LAX1: variants seen among roughly 807,000 people sequenced by gnomAD.
LAX1 encodes the protein lymphocyte transmembrane adapter 1.
LAX1 carries 17 observed loss-of-function variants against 20.7 expected under a neutral mutation model. The ratio of observed to expected loss-of-function variants is 0.82; its 90% confidence interval spans 0.56 to 1.23. The LOEUF (loss-of-function observed/expected upper bound fraction) is 1.23. Among genes scored for constraint, LAX1 ranks in the 50% most tolerant of loss-of-function variants. The pLI is 0.00. For synonymous variants in LAX1, 165 were observed against 181.0 expected (o/e 0.91, Z 0.71); for missense variants, 470 against 487.0 (o/e 0.97, Z 0.33).
At chr1:203,771,209 C>A (rs1486569133) in intron 2 of LAX1, among the ~76,000 whole-genome samples, 158 bp from the exon 3 acceptor site, 1 of 152,178 alleles carries the variant, frequency 6.6e-6, no homozygotes, top group African/African-American at 2.4e-5. Flanking sequence ...GTTCCTCTCA[C>A]TCAAATGAAA....
intron 1 of LAX1, 121 bp downstream of exon 1, chr1:203,765,775 TA>T: frequency 1.1e-6 from 1 of 893,662 alleles, no homozygotes; most frequent in South Asian, 1.4e-5. Context: ...CTCGGTCTAC[TA>T]AACCACCAAA....
At position 203,775,615 on chromosome 1, in the gene LAX1, C is replaced by T. The variant is rs531748545; in HGVS notation, c.*934C>T. The T allele has an allele frequency of 2.6e-5, 4 of 152,272 alleles. No homozygotes were observed. Among genetic ancestry groups the T allele is most frequent in the South Asian group, 2.1e-4 (1 of 4,828 alleles). 9.4% of individuals were successfully genotyped at this position (152,272 alleles called of 1,614,324 possible). On this transcript the variant is annotated 3_prime_UTR_variant, in exon 5 of 5. Coordinates refer to ENST00000442561, the MANE Select transcript of LAX1 (RefSeq NM_017773.4). ...GAAAACTTATGTTCACACAAAAACT[C>T]GCACATGACTGTTTATAGCAGCTTC...
Position 203,771,364 on chromosome 1 carries a change from C to T in LAX1, c.200-3C>T. ...GACTCCCATCTCTCTCATTGCCTTGCAGGACAAGTTCCTTACCTCCGAGTT... is the reference window on the plus strand; with the variant it reads ...GACTCCCATCTCTCTCATTGCCTTGTAGGACAAGTTCCTTACCTCCGAGTT... On this transcript the variant is annotated splice_polypyrimidine_tract_variant and splice_region_variant and intron_variant, in intron 2 of 4. Transcript: ENST00000442561. 6.3e-7 allele frequency: 1 copy of T among 1,598,330 alleles called. No individual in the cohort carries two copies.
chr1:203,774,429 C>A lies in LAX1; in HGVS notation c.945C>A (p.Ser315=), dbSNP rs760871283. 1.2e-6 allele frequency: 2 copies of A among 1,614,070 alleles called. No homozygotes were observed. The highest frequency in any genetic ancestry group is 2.7e-5 in the African/African-American group (2 of 74,918). The change falls in exon 5 of 5, where the codon TCC becomes TCA. Residue 315 remains serine (S), a synonymous_variant. Transcript: ENST00000442561. ...AGCAGGCTGAGAAAGATGTGCCATCCTCAAACATAGGTCATGTCGAGGACA... is the reference window on the plus strand; with the variant it reads ...AGCAGGCTGAGAAAGATGTGCCATCATCAAACATAGGTCATGTCGAGGACA... ...SQQQAEKDVP[S]SNIGHVEDKT... is the part of the protein sequence containing the mutation.
Position 203,770,818 on chromosome 1 carries a change from G to T in LAX1, c.90-10G>T. On this transcript the variant is annotated splice_polypyrimidine_tract_variant and intron_variant, in intron 1 of 4. Transcript: ENST00000442561. ...TACAGCTAGCACATGTCATTCGATT[G>T]TTTTTCTAGAAATAAAGACCAGATC... The T allele has an allele frequency of 6.2e-7, 1 of 1,607,326 alleles. No homozygotes were observed. Among genetic ancestry groups the T allele is most frequent in the Non-Finnish European group, 8.5e-7 (1 of 1,173,802 alleles).
intron 1 of LAX1, among the ~76,000 whole-genome samples, chr1:203,768,337 A>G (rs1444488283): frequency 6.6e-6 from 1 of 152,204 alleles, no homozygotes; most frequent in Non-Finnish European, 1.5e-5. Context: ...TCAATCAGTC[A>G]TCAGTGCTAT....
rs1667441390 is a variant in LAX1 at position 203,772,676 on chromosome 1, T to C, written c.390+529T>C. Among the ~76,000 whole-genome samples the C allele has an allele frequency of 2.0e-5, 3 of 152,226 alleles. No homozygotes were observed. In the Middle Eastern group the frequency reaches 0.01, roughly 518 times the overall value. ...CTCTTGACCTTTTCATCCACCCGCC[T>C]TGGCCTCCCAAAGTGCTGAGATTAC... On this transcript the variant is annotated intron_variant, in intron 4 of 4. Coordinates refer to ENST00000442561, the MANE Select transcript of LAX1 (RefSeq NM_017773.4).
chr1:203,770,454 AAAGGAAGG>A lies in LAX1; in HGVS notation c.90-322_90-315del, dbSNP rs767611921. Among the ~76,000 whole-genome samples, 142 of 21,934 alleles carry A rather than the reference AAAGGAAGG, an allele frequency of 6.5e-3. 7 individuals carry two copies. Among genetic ancestry groups the A allele is most frequent in the African/African-American group, 0.015 (134 of 9,194 alleles). The allele number at this position is 21,934 out of a possible 152,430, so 14.4% of individuals were successfully genotyped here. On this transcript the variant is annotated intron_variant, in intron 1 of 4. Transcript: ENST00000442561. ...AAGAAAGAGAGAGAGAGAGAGAGAG[AAAGGAAGG>A]AAGGAAGGAAGGAAGGAAGGAAGGA... is the stretch of plus-strand genomic sequence containing the variant.
intron 3 of LAX1, 64 bp from the exon 4 acceptor site, chr1:203,772,004 G>T (rs1571807051): frequency 3.9e-6 from 5 of 1,275,092 alleles, no homozygotes; most frequent in Non-Finnish European, 3.4e-6. Context: ...ATGATGCAGG[G>T]ATTATTTGGA....
intron 4 of LAX1, 115 bp downstream of exon 4, chr1:203,772,262 T>C: frequency 1.3e-6 from 1 of 778,042 alleles, no homozygotes; most frequent in Non-Finnish European, 2.2e-6. Context: ...CCTTTGGCAC[T>C]CGCCCTGCAG....
At chr1:203,766,881 A>C (rs577499944) in intron 1 of LAX1, among the ~76,000 whole-genome samples, 1 of 151,998 alleles carries the variant, frequency 6.6e-6, no homozygotes, top group African/African-American at 2.4e-5. Flanking sequence ...TTTTAGACAG[A>C]GTCTCGCTCT....
Position 203,771,445 on chromosome 1 carries a change from AT to A in LAX1, c.279del (p.Tyr93Ter). ...ACCAGACAAAGAGCCAAAAATATTT[AT>A]GACATCTTGCCTTGGCGACAGGAAG... The part of the protein sequence containing the change: ...PQTRQRAKNI[Y>X]DILPWRQEDL... On this transcript the variant is annotated frameshift_variant, in exon 3 of 5. Transcript: ENST00000442561. LOFTEE classifies it high-confidence loss of function. The A allele has an allele frequency of 1.2e-6, 2 of 1,613,148 alleles. No homozygotes were observed. Among genetic ancestry groups the A allele is most frequent in the Admixed American group, 1.7e-5 (1 of 60,014 alleles).
At chr1:203,771,079 A>G (rs946068054) in intron 2 of LAX1, 142 bp downstream of exon 2, 2 of 715,876 alleles carry the variant, frequency 2.8e-6, no homozygotes, top group African/African-American at 3.5e-5. Flanking sequence ...CCATTGCCTC[A>G]CTCAAGATCC....
In LAX1 at chr1:203,765,624, C is replaced by G; in HGVS notation, c.59C>G (p.Thr20Ser). ...TIRGRTLESS[T>S]LHVTPRSLDR... ...AGAGGGAGGACCTTGGAGTCCAGCA[C>G]TCTGCATGTGACTCCCCGCAGCCTG... The change falls in exon 1 of 5, where the codon ACT becomes AGT. Residue 20 changes from threonine (T) to serine (S), a missense_variant. Thr to Ser is a moderately conservative substitution (Grantham distance 58). Coordinates refer to ENST00000442561, the MANE Select transcript of LAX1 (RefSeq NM_017773.4). The G allele has an allele frequency of 6.2e-7, 1 of 1,614,186 alleles. No individual in the cohort carries two copies. Among genetic ancestry groups the G allele is most frequent in the East Asian group, 2.2e-5 (1 of 44,888 alleles).
intron 1 of LAX1, among the ~76,000 whole-genome samples, chr1:203,770,461 G>A (rs1204969645): frequency 6.1e-5 from 1 of 16,506 alleles, no homozygotes; most frequent in African/African-American, 1.2e-4. Context: ...GAGAAAGGAA[G>A]GAAGGAAGGA....
rs980672247 is a variant in LAX1 at position 203,775,370 on chromosome 1, G to A, written c.*689G>A. The A allele has an allele frequency of 1.5e-4, 22 of 151,200 alleles. No individual in the cohort carries two copies. The highest frequency in any genetic ancestry group is 5.3e-4 in the African/African-American group (22 of 41,154). The allele number at this position is 151,200 out of a possible 1,614,324, so 9.4% of individuals were successfully genotyped here. On this transcript the variant is annotated 3_prime_UTR_variant, in exon 5 of 5. Coordinates refer to ENST00000442561, the MANE Select transcript of LAX1 (RefSeq NM_017773.4). ...GATTGTGCCACTGTACTCCAGCCTG[G>A]TGACAGAGCGAGACTCCCTCTCAAA...
chr1:203,767,402 G>C (rs1389234618), intron 1 of LAX1, among the ~76,000 whole-genome samples: 4 of 144,570 alleles, frequency 2.8e-5, no homozygotes, highest in Non-Finnish European at 5.9e-5. Context: ...CCACCTCCCA[G>C]GTTCAAGCGA....
intron 1 of LAX1, among the ~76,000 whole-genome samples, chr1:203,768,123 G>A (rs180780666): frequency 1.6e-4 from 25 of 152,142 alleles, no homozygotes; most frequent in Admixed American, 1.2e-3. Flanking sequence ...CCAGCCTGAC[G>A]AATATGATGA....
At position 203,774,044 on chromosome 1, in the gene LAX1, C is replaced by T. The variant is rs1667467827; in HGVS notation, c.560C>T (p.Ser187Leu). 1 of 1,614,030 alleles carries T rather than the reference C, an allele frequency of 6.2e-7. No homozygotes were observed. Among genetic ancestry groups the T allele is most frequent in the South Asian group, 1.1e-5 (1 of 91,094 alleles). ...RASRDCASIS[S>L]EDSHDYVNVP... is the part of the protein sequence containing the mutation. ...TCCAGAGACTGCGCAAGCATTTCTT[C>T]AGAGGATTCGCATGATTATGTCAAT... The change falls in exon 5 of 5, where the codon TCA becomes TTA. Residue 187 changes from serine to leucine, a missense_variant. Physicochemically the swap from Ser to Leu is moderately radical, Grantham distance 145. Transcript: ENST00000442561.
Sources: allele counts gnomAD v4.1 joint callset (sites outside exome capture counted in the v4.1 genomes callset), GRCh38; gene constraint gnomAD v4.1.1; transcripts MANE v1.5; gene names NCBI Gene and HGNC (gene_info 2026-07-23, HGNC 2026-07-21).